Variants in PDCD4 observed in about 807,000 individuals in gnomAD.
PDCD4 encodes the protein programmed cell death protein 4.
A neutral mutation model predicts 54.0 loss-of-function variants in PDCD4; 56 were observed. That is an observed-to-expected ratio of 1.04 (90% confidence interval 0.84 to 1.30). The LOEUF (loss-of-function observed/expected upper bound fraction) is 1.30, where lower values mean the gene tolerates loss of function less well. Among genes scored for constraint, PDCD4 ranks in the 50% most tolerant of loss-of-function variants. PDCD4 has a pLI of 0.00. For synonymous variants in PDCD4, 186 were observed against 194.8 expected (o/e 0.95, Z 0.37); for missense variants, 584 against 559.8 (o/e 1.04, Z -0.44).
chr10:110,881,339 T>C lies in PDCD4; in HGVS notation c.150T>C (p.Ile50=). 6.2e-7 allele frequency: 1 copy of C among 1,614,080 alleles called. No individual in the cohort carries two copies. Among genetic ancestry groups the C allele is most frequent in the East Asian group, 2.2e-5 (1 of 44,886 alleles). ...INGNWISASS[I]NEARINAKAK... ...GAAATTGGATTTCAGCATCCTCCAT[T>C]AACGAAGCTAGAATTAATGCCAAGG... Residue 50 remains isoleucine (I), a synonymous_variant, in exon 3 of 12, where the codon ATT becomes ATC. Coordinates refer to ENST00000280154, the MANE Select transcript of PDCD4 (RefSeq NM_014456.5).
chr10:110,892,679 C>T (rs541040795), intron 8 of PDCD4, among the ~76,000 whole-genome samples: 2 of 152,062 alleles, frequency 1.3e-5, no homozygotes, highest in Non-Finnish European at 2.9e-5. Context: ...AAATTCCTAT[C>T]GTTGAGTGAT....
intron 5 of PDCD4, among the ~76,000 whole-genome samples, chr10:110,885,904 A>C (rs891248281): frequency 6.6e-6 from 1 of 152,198 alleles, no homozygotes; most frequent in Non-Finnish European, 1.5e-5. Flanking sequence ...TAAATCTAGG[A>C]TAAAATAAAA....
Position 110,886,217 on chromosome 10 carries a change from T to G in PDCD4, c.555+851T>G, listed in dbSNP as rs148754657. On this transcript the variant is annotated intron_variant, in intron 5 of 11. Coordinates refer to ENST00000280154, the MANE Select transcript of PDCD4 (RefSeq NM_014456.5). ...TTCTGTTATAGAGGAAAAGTTTCCATGAGTCCTATGAGGGCAGGGACTGTT... is the reference window on the plus strand; with the variant it reads ...TTCTGTTATAGAGGAAAAGTTTCCAGGAGTCCTATGAGGGCAGGGACTGTT... Among the ~76,000 whole-genome samples, 374 of 152,324 alleles carry G rather than the reference T, an allele frequency of 2.5e-3. 3 individuals are homozygous for G. Among genetic ancestry groups the G allele is most frequent in the African/African-American group, 8.4e-3 (350 of 41,576 alleles).
Position 110,889,634 on chromosome 10 carries a change from A to T in PDCD4, c.875+4A>T, listed in dbSNP as rs1374278198. 6.7e-7 allele frequency: 1 copy of T among 1,494,764 alleles called. No individual in the cohort carries two copies. Among genetic ancestry groups the T allele is most frequent in the African/African-American group, 1.4e-5 (1 of 71,756 alleles). The allele number at this position is 1,494,764 out of a possible 1,614,324, so 92.6% of individuals were successfully genotyped here. ...CTGTAGATTGTGTGCAGGCTAGGTA[A>T]GTAAATCACTTTTCCTACTTAGAAT... is the stretch of plus-strand genomic sequence containing the variant. On this transcript the variant is annotated splice_donor_region_variant and intron_variant, in intron 7 of 11. Transcript: ENST00000280154.
intron 2 of PDCD4, among the ~76,000 whole-genome samples, chr10:110,878,025 A>G (rs1203072855): frequency 6.6e-6 from 1 of 152,224 alleles, no homozygotes; most frequent in Non-Finnish European, 1.5e-5. Context: ...CTGTGGTCAT[A>G]TACAATTGGA....
chr10:110,887,528 C>G, intron 5 of PDCD4, 137 bp from the exon 6 acceptor site: 1 of 603,634 alleles, frequency 1.7e-6, no homozygotes, highest in East Asian at 2.8e-5. Context: ...TAAAACATGA[C>G]TGGGTCTTTT....
intron 2 of PDCD4, among the ~76,000 whole-genome samples, chr10:110,879,550 A>C (rs1422222981): frequency 6.6e-6 from 1 of 151,862 alleles, no homozygotes; most frequent in Non-Finnish European, 1.5e-5. Context: ...CTGTAGTCCC[A>C]GCTGGGGCAG....
intron 1 of PDCD4, among the ~76,000 whole-genome samples, chr10:110,872,612 C>G (rs1014800586): frequency 6.6e-6 from 1 of 152,186 alleles, no homozygotes; most frequent in Non-Finnish European, 1.5e-5. Flanking sequence ...AGAACAGGCC[C>G]GGCCGCTGTG....
At chr10:110,887,408 T>G (rs911409043) in intron 5 of PDCD4, among the ~76,000 whole-genome samples, 6 of 152,216 alleles carry the variant, frequency 3.9e-5, no homozygotes, top group Admixed American at 3.3e-4. Flanking sequence ...TGACAGTATT[T>G]TAAAGGTATT....
intron 1 of PDCD4, chr10:110,872,337 C>T (rs1196564386): frequency 6.6e-6 from 1 of 152,442 alleles, no homozygotes; most frequent in Non-Finnish European, 1.5e-5. Flanking sequence ...AGGCGCTCGC[C>T]CTTGAAGGTC....
Position 110,881,262 on chromosome 10 carries a change from T to C in PDCD4, c.73T>C (p.Ser25Pro), listed in dbSNP as rs1845586619. ...TGATAACTTAAGTGACTCTCTCTTT[T>C]CCGGTGATGAAGAAAATGCTGGGAC... ...DPDNLSDSLF[S>P]GDEENAGTEE... Residue 25 changes from serine (S) to proline (P), a missense_variant, in exon 3 of 12, where the codon TCC becomes CCC. Physicochemically the swap from Ser to Pro is moderately conservative, Grantham distance 74. Transcript: ENST00000280154. 1.2e-6 allele frequency: 2 copies of C among 1,613,342 alleles called. No homozygotes were observed. The highest frequency in any genetic ancestry group is 2.7e-5 in the African/African-American group (2 of 74,992).
intron 7 of PDCD4, among the ~76,000 whole-genome samples, chr10:110,889,941 T>C (rs916937483): frequency 6.6e-6 from 1 of 152,252 alleles, no homozygotes; most frequent in African/African-American, 2.4e-5. Flanking sequence ...TTTCAGGTTC[T>C]AGCATTGTGT....
chr10:110,881,264 C>T lies in PDCD4; in HGVS notation c.75C>T (p.Ser25=), dbSNP rs373521148. 1.4e-5 allele frequency: 23 copies of T among 1,612,698 alleles called. No homozygotes were observed. Among genetic ancestry groups the T allele is most frequent in the South Asian group, 8.8e-5 (8 of 91,044 alleles). Reference sequence around the variant, plus strand: ...ATAACTTAAGTGACTCTCTCTTTTCCGGTGATGAAGAAAATGCTGGGACTG... The same window carrying T: ...ATAACTTAAGTGACTCTCTCTTTTCTGGTGATGAAGAAAATGCTGGGACTG... ...DPDNLSDSLF[S]GDEENAGTEE... Residue 25 remains serine (S), a synonymous_variant, in exon 3 of 12, where the codon TCC becomes TCT. Coordinates refer to ENST00000280154, the MANE Select transcript of PDCD4 (RefSeq NM_014456.5).
In PDCD4 at chr10:110,894,417, T is replaced by C; in HGVS notation, c.1104T>C (p.Ile368=). The C allele has an allele frequency of 2.0e-6, 3 of 1,498,258 alleles. No homozygotes were observed. Among genetic ancestry groups the C allele is most frequent in the Non-Finnish European group, 2.8e-6 (3 of 1,078,764 alleles). 92.8% of individuals were successfully genotyped at this position (1,498,258 alleles called of 1,614,324 possible). A position where few individuals can be genotyped will look rare whatever the true frequency, so the allele number is the denominator to read the frequency against. ...CTCATTGATTCAATTTTTAGGCTAT[T>C]ATAATGGTTTTAGAGTCAACTGGAG... ...HFHHELVYEA[I]IMVLESTGES... is the part of the protein sequence containing the mutation. Residue 368 remains isoleucine (I), a synonymous_variant, in exon 10 of 12, where the codon ATT becomes ATC. Transcript: ENST00000280154.
chr10:110,876,550 G>C (rs1044254409), intron 2 of PDCD4: 1 of 394,152 alleles, frequency 2.5e-6, no homozygotes, highest in African/African-American at 2.1e-5. Flanking sequence ...GTACAGAATA[G>C]AGAAGAATAG....
chr10:110,896,198 CTT>C, intron 11 of PDCD4, 111 bp downstream of exon 11: 1 of 768,948 alleles, frequency 1.3e-6, no homozygotes, highest in Non-Finnish European at 2.1e-6. Context: ...GAACGTGACT[CTT>C]GTGAGTTCAT....
intron 6 of PDCD4, 128 bp from the exon 7 acceptor site, chr10:110,889,405 A>G: frequency 1.5e-6 from 1 of 667,016 alleles, no homozygotes; most frequent in Non-Finnish European, 2.6e-6. Flanking sequence ...TTTTAAAAAA[A>G]AATTCCAGCA....
rs1845688761 is a variant in PDCD4 at position 110,887,677 on chromosome 10, G to T, written c.568G>T (p.Asp190Tyr). The change falls in exon 6 of 12, where the codon GAT (aspartate) becomes TAT (tyrosine). Residue 190 changes from aspartate to tyrosine, a missense_variant. Physicochemically the swap from Asp to Tyr is radical, Grantham distance 160. Coordinates refer to ENST00000280154, the MANE Select transcript of PDCD4 (RefSeq NM_014456.5). ...TTTTTTTGAACAGGAAATGTTAAGAGATTTAAATCTTGGTGAAATGAAAAG... is the reference window on the plus strand; with the variant it reads ...TTTTTTTGAACAGGAAATGTTAAGATATTTAAATCTTGGTGAAATGAAAAG... The part of the protein sequence containing the change: ...DTNEVAEMLR[D>Y]LNLGEMKSGV... 1.9e-6 allele frequency: 3 copies of T among 1,608,862 alleles called. No individual in the cohort carries two copies. Among genetic ancestry groups the T allele is most frequent in the South Asian group, 1.1e-5 (1 of 90,848 alleles).
chr10:110,898,104 C>A lies in PDCD4; in HGVS notation c.*16C>A. ...GAGCTACTGAATATAAGAACTCTTG[C>A]AGTCTTAGATGTTATAAAAATATAT... is the stretch of plus-strand genomic sequence containing the variant. On this transcript the variant is annotated 3_prime_UTR_variant, in exon 12 of 12. Coordinates refer to ENST00000280154, the MANE Select transcript of PDCD4 (RefSeq NM_014456.5). The A allele has an allele frequency of 6.7e-7, 1 of 1,486,814 alleles. No individual in the cohort carries two copies. The highest frequency in any genetic ancestry group is 9.2e-7 in the Non-Finnish European group (1 of 1,089,480). The allele number at this position is 1,486,814 out of a possible 1,614,324, so 92.1% of individuals were successfully genotyped here.
Sources: gnomAD v4.1 joint callset for allele counts (sites outside exome capture counted in the v4.1 genomes callset) on GRCh38, gnomAD v4.1.1 for gene constraint, MANE v1.5 for transcripts, NCBI Gene and HGNC (gene_info 2026-07-23, HGNC 2026-07-21) for gene names.